OTUD7B: variants seen among roughly 807,000 people sequenced by gnomAD.
The protein encoded by OTUD7B is OTU domain-containing protein 7B.
Under a neutral mutation model 82.2 loss-of-function variants are expected in OTUD7B, and 34 were observed. That is an observed-to-expected ratio of 0.41 (90% CI 0.31 to 0.55). The LOEUF (loss-of-function observed/expected upper bound fraction) is 0.55. Among genes scored for constraint, OTUD7B ranks in the 20% least tolerant of loss-of-function variants. The pLI is 0.20. For synonymous variants in OTUD7B, 398 were observed against 402.7 expected (o/e 0.99, Z 0.14); for missense variants, 944 against 1,062.1 (o/e 0.89, Z 1.55).
At chr1:149,982,651 T>C (rs1011085969) in intron 1 of OTUD7B, among the ~76,000 whole-genome samples, 1 of 151,520 alleles carries the variant, frequency 6.6e-6, no homozygotes, top group South Asian at 2.1e-4. Flanking sequence ...AATTTCAGTA[T>C]CCATCTGCAC....
chr1:150,037,249 C>CTT, the OTUD7B span, among the ~76,000 whole-genome samples: 115,066 of 146,892 alleles, frequency 0.78, 45,586 homozygotes, highest in East Asian at 0.99. Flanking sequence ...AAAATACCCT[C>CTT]TTTTTTTTTT....
chr1:150,010,880 C>T (rs1185988263), upstream of OTUD7B, among the ~76,000 whole-genome samples: 1 of 152,182 alleles, frequency 6.6e-6, no homozygotes, highest in African/African-American at 2.4e-5. Flanking sequence ...TTGGCGCTTG[C>T]CCCGCGCGTG....
At chr1:150,047,653 G>A in the OTUD7B span, 1 of 152,088 alleles carries the variant, frequency 6.6e-6, no homozygotes, top group African/African-American at 2.4e-5. Flanking sequence ...TCTAAGAACT[G>A]TATAGAAAAA....
the OTUD7B span, among the ~76,000 whole-genome samples, chr1:150,052,847 C>T: frequency 6.7e-6 from 1 of 148,206 alleles, no homozygotes; most frequent in South Asian, 2.1e-4. Context: ...GGCACATAGA[C>T]CAATGAAACA....
chr1:150,059,937 T>C, the OTUD7B span, among the ~76,000 whole-genome samples: 13 of 152,218 alleles, frequency 8.5e-5, no homozygotes, highest in Non-Finnish European at 2.9e-5. Flanking sequence ...CTGTTTGCCA[T>C]TGCAAACAAA....
At chr1:150,043,082 C>T in the OTUD7B span, among the ~76,000 whole-genome samples, 1 of 152,078 alleles carries the variant, frequency 6.6e-6, no homozygotes, top group African/African-American at 2.4e-5. Flanking sequence ...ACCTTTGCAC[C>T]AGCATCGCCA....
At chr1:149,958,176 T>A (rs1192883234) in intron 7 of OTUD7B, among the ~76,000 whole-genome samples, 2 of 152,200 alleles carry the variant, frequency 1.3e-5, no homozygotes, top group African/African-American at 4.8e-5. Flanking sequence ...TGGTCAATCT[T>A]GTTTTACTAC....
chr1:150,027,465 T>C, the OTUD7B span, among the ~76,000 whole-genome samples: 1 of 152,138 alleles, frequency 6.6e-6, no homozygotes, highest in African/African-American at 2.4e-5. Context: ...TGCACACCTG[T>C]AGTCCCAGCT....
At chr1:150,026,659 A>G in the OTUD7B span, among the ~76,000 whole-genome samples, 8,704 of 152,288 alleles carry the variant, frequency 0.057, 807 homozygotes, top group African/African-American at 0.2. Flanking sequence ...ATAAATATAT[A>G]AGCCCAGGGC....
chr1:149,961,703 C>A (rs1157085654), intron 6 of OTUD7B: 1 of 152,166 alleles, frequency 6.6e-6, no homozygotes, highest in Non-Finnish European at 1.5e-5. Context: ...CATGTTATAA[C>A]CTGTTGCAAT....
At chr1:149,993,204 T>C (rs1001815190) in intron 1 of OTUD7B, among the ~76,000 whole-genome samples, 3 of 152,206 alleles carry the variant, frequency 2.0e-5, no homozygotes, top group African/African-American at 2.4e-5. Flanking sequence ...CACATTCACA[T>C]TTATTCAAGT....
chr1:150,028,267 G>T, the OTUD7B span, among the ~76,000 whole-genome samples: 1 of 152,198 alleles, frequency 6.6e-6, no homozygotes, highest in South Asian at 2.1e-4. Context: ...TCAAGCTAAA[G>T]TGATCATTGG....
chr1:150,033,783 G>T, the OTUD7B span, among the ~76,000 whole-genome samples: 1 of 151,916 alleles, frequency 6.6e-6, no homozygotes, highest in African/African-American at 2.4e-5. Flanking sequence ...GTATAGTGGC[G>T]CGAACTTGGC....
chr1:149,947,530 C>T (rs1647848481), intron 10 of OTUD7B, among the ~76,000 whole-genome samples, 195 bp from the exon 11 acceptor site: 1 of 151,992 alleles, frequency 6.6e-6, no homozygotes, highest in Admixed American at 6.6e-5. Context: ...TCAGCTGCAG[C>T]TGAGAATGGG....
At chr1:150,001,053 T>G (rs1294644032) in intron 1 of OTUD7B, among the ~76,000 whole-genome samples, 1 of 151,610 alleles carries the variant, frequency 6.6e-6, no homozygotes, top group African/African-American at 2.4e-5. Flanking sequence ...CATGAAGGAA[T>G]GAACACATCA....
the OTUD7B span, among the ~76,000 whole-genome samples, chr1:150,018,263 C>T: frequency 3.9e-5 from 6 of 152,026 alleles, no homozygotes; most frequent in Non-Finnish European, 7.4e-5. Context: ...AACTGAGGCA[C>T]GTTTAAAAAT....
chr1:150,043,480 A>G, the OTUD7B span, among the ~76,000 whole-genome samples: 1 of 152,198 alleles, frequency 6.6e-6, no homozygotes, highest in Admixed American at 6.6e-5. Flanking sequence ...AGAAGGAGAT[A>G]GATTTCCGCT....
In OTUD7B at chr1:149,944,317, C is replaced by G. The variant is rs782404557; in HGVS notation, c.2072G>C (p.Gly691Ala). 2 of 1,611,072 alleles carry G rather than the reference C, an allele frequency of 1.2e-6. No individual in the cohort carries two copies. The highest frequency in any genetic ancestry group is 1.7e-5 in the Admixed American group (1 of 59,862). Residue 691 changes from glycine to alanine, a missense_variant, in exon 12 of 12, where the codon GGC (glycine) becomes GCC (alanine). Coordinates refer to ENST00000581312, the MANE Select transcript of OTUD7B (RefSeq NM_020205.4). Reference sequence around the variant, plus strand: ...AGGGATAGTAAAGTCCCCAGGGTAGCCAGTGGAAAATGCCATTGCCCTGGA... The same window carrying G: ...AGGGATAGTAAAGTCCCCAGGGTAGGCAGTGGAAAATGCCATTGCCCTGGA... ...AESRAMAFST[G>A]YPGDFTIPRP... is the part of the protein sequence containing the mutation.
intron 1 of OTUD7B, among the ~76,000 whole-genome samples, chr1:150,003,806 TG>T (rs1652467290): frequency 6.6e-6 from 1 of 152,174 alleles, no homozygotes; most frequent in African/African-American, 2.4e-5. Flanking sequence ...TTAATTCTCT[TG>T]GCTACAGCTA....
Sources: allele counts gnomAD v4.1 joint callset (sites outside exome capture counted in the v4.1 genomes callset), GRCh38; gene constraint gnomAD v4.1.1; transcripts MANE v1.5; gene names NCBI Gene and HGNC (gene_info 2026-07-23, HGNC 2026-07-21).